ZNF480: variants seen among roughly 807,000 people sequenced by gnomAD.
The protein encoded by ZNF480 is zinc finger protein 480.
A neutral mutation model predicts 14.4 loss-of-function variants in ZNF480; 15 were observed. The ratio of observed to expected loss-of-function variants is 1.04; its 90% CI spans 0.70 to 1.60. The LOEUF is 1.60. ZNF480 is among the 40% of genes most tolerant of loss of function. The pLI is 0.00. For synonymous variants in ZNF480, 218 were observed against 215.5 expected, an observed-to-expected ratio of 1.01 and a Z score of -0.10; for missense variants, 593 against 629.7, an observed-to-expected ratio of 0.94 and a Z score of 0.62.
chr19:52,319,553 G>T (rs188575769), intron 4 of ZNF480, among the ~76,000 whole-genome samples: 9 of 152,192 alleles, frequency 5.9e-5, no homozygotes, highest in African/African-American at 2.2e-4. Context: ...ATGTATCTCT[G>T]TGTGAATGTC....
At position 52,309,936 on chromosome 19, in the gene ZNF480, G is replaced by C. The variant is rs550757179; in HGVS notation, c.73-4217G>C. Among the ~76,000 whole-genome samples the C allele has an allele frequency of 1.5e-4, 23 of 152,186 alleles. 2 individuals are homozygous for C. In the South Asian group the frequency reaches 4.8e-3, roughly 32 times the overall value. ...TTCTAGTTAGGGGCCATTTCCTAAG[G>C]GAGATGTCAGATGTTTCTTTCCTGT... On this transcript the variant is annotated intron_variant, in intron 2 of 4. Transcript: ENST00000595962.
chr19:52,319,255 A>G (rs987052713), intron 4 of ZNF480, among the ~76,000 whole-genome samples: 6 of 152,144 alleles, frequency 3.9e-5, no homozygotes, highest in African/African-American at 1.4e-4. Flanking sequence ...GGCTCCCTGT[A>G]GCATTTCTTG....
chr19:52,306,327 G>T (rs951905226), intron 2 of ZNF480, among the ~76,000 whole-genome samples: 1 of 152,148 alleles, frequency 6.6e-6, no homozygotes, highest in East Asian at 1.9e-4. Flanking sequence ...GAAGGGTATT[G>T]TTCCCTGCCT....
At chr19:52,299,784 C>T (rs1982597034) in intron 1 of ZNF480, among the ~76,000 whole-genome samples, 1 of 152,162 alleles carries the variant, frequency 6.6e-6, no homozygotes, top group African/African-American at 2.4e-5. Flanking sequence ...ACATCCATCT[C>T]CCAGTTTCAA....
chr19:52,306,816 A>G (rs774143298), intron 2 of ZNF480, among the ~76,000 whole-genome samples: 3 of 152,152 alleles, frequency 2.0e-5, no homozygotes, highest in South Asian at 2.1e-4. Context: ...TCCTGCCTGA[A>G]TAGAACCGAG....
chr19:52,323,897 G>C lies in ZNF480; in HGVS notation c.*1039G>C, dbSNP rs924601985. The C allele has an allele frequency of 6.6e-5, 10 of 152,150 alleles. No individual in the cohort carries two copies. The highest frequency in any genetic ancestry group is 2.4e-4 in the African/African-American group (10 of 41,498). 9.4% of individuals were successfully genotyped at this position (152,150 alleles called of 1,614,324 possible). ...CCCCTTGAGAACTGGAAAATGACAG[G>C]GATGACCACTCTCACCACTCCGATT... On this transcript the variant is annotated 3_prime_UTR_variant, in exon 5 of 5. Transcript: ENST00000595962.
intron 4 of ZNF480, among the ~76,000 whole-genome samples, chr19:52,316,887 C>A (rs902452253): frequency 6.6e-6 from 1 of 152,132 alleles, no homozygotes; most frequent in African/African-American, 2.4e-5. Context: ...TTTGTATATT[C>A]TTTTAGGACT....
chr19:52,319,776 T>C (rs1983718633), intron 4 of ZNF480, among the ~76,000 whole-genome samples: 1 of 151,866 alleles, frequency 6.6e-6, no homozygotes, highest in Admixed American at 6.6e-5. Flanking sequence ...TTTTCTTCTC[T>C]GTTTTTTGTT....
intron 1 of ZNF480, chr19:52,297,949 G>T (rs1982489834): frequency 6.6e-6 from 1 of 152,286 alleles, no homozygotes; most frequent in African/African-American, 2.4e-5. Context: ...AGGGAGAGCC[G>T]TAAGCAGATG....
At chr19:52,313,667 A>T (rs1218464037) in intron 2 of ZNF480, among the ~76,000 whole-genome samples, 1 of 152,198 alleles carries the variant, frequency 6.6e-6, no homozygotes, top group Admixed American at 6.5e-5. Flanking sequence ...GATTTTTAAA[A>T]TATAACTTCT....
intron 3 of ZNF480, 98 bp downstream of exon 3, chr19:52,314,377 C>T (rs1362635763): frequency 8.8e-7 from 1 of 1,141,720 alleles, no homozygotes. Context: ...GTTTGACTGA[C>T]ATTAAGCAGG....
intron 1 of ZNF480, among the ~76,000 whole-genome samples, 177 bp from the exon 2 acceptor site, chr19:52,300,217 T>TA (rs1217914800): frequency 3.3e-5 from 5 of 152,122 alleles, no homozygotes. Context: ...TGAAGACGAG[T>TA]AAAAAACTCA....
intron 2 of ZNF480, among the ~76,000 whole-genome samples, chr19:52,313,177 C>T (rs1423476444): frequency 6.7e-6 from 1 of 149,724 alleles, no homozygotes; most frequent in Non-Finnish European, 1.5e-5. Flanking sequence ...ACTCTTTTCC[C>T]CCAGGATGGA....
At position 52,323,523 on chromosome 19, in the gene ZNF480, T is replaced by A. The variant is rs1250576655; in HGVS notation, c.*665T>A. 6.6e-6 allele frequency: 1 copy of A among 152,146 alleles called. No homozygotes were observed. Among genetic ancestry groups the A allele is most frequent in the Non-Finnish European group, 1.5e-5 (1 of 68,026 alleles). 9.4% of individuals were successfully genotyped at this position (152,146 alleles called of 1,614,324 possible). A position where few individuals can be genotyped will look rare whatever the true frequency, so the allele number is the denominator to read the frequency against. Reference sequence around the variant, plus strand: ...AAAGAAAACTTCAGGCTGGTACTCCTGACGAATATAGGTGCCAAAATCCTC... The same window carrying A: ...AAAGAAAACTTCAGGCTGGTACTCCAGACGAATATAGGTGCCAAAATCCTC... On this transcript the variant is annotated 3_prime_UTR_variant, in exon 5 of 5. Coordinates refer to ENST00000595962, the MANE Select transcript of ZNF480 (RefSeq NM_144684.4).
At chr19:52,304,029 A>G (rs1386052706) in intron 2 of ZNF480, among the ~76,000 whole-genome samples, 1 of 152,222 alleles carries the variant, frequency 6.6e-6, no homozygotes, top group Non-Finnish European at 1.5e-5. Flanking sequence ...GGGGCAGCAC[A>G]AAGAATATCG....
chr19:52,311,134 A>G (rs1184228148), intron 2 of ZNF480, among the ~76,000 whole-genome samples: 1 of 151,888 alleles, frequency 6.6e-6, no homozygotes, highest in South Asian at 2.1e-4. Context: ...ATATATTGAT[A>G]AACCCCATTG....
chr19:52,308,073 T>C (rs1983045602), intron 2 of ZNF480, among the ~76,000 whole-genome samples: 1 of 152,090 alleles, frequency 6.6e-6, no homozygotes, highest in Non-Finnish European at 1.5e-5. Flanking sequence ...GAGGCTTCAC[T>C]GGGCATGGTT....
chr19:52,315,821 T>G lies in ZNF480; in HGVS notation c.200-13T>G. Reference sequence around the variant, plus strand: ...ATGCTACAGCACATTTTGATTTTTTTTTTTACAAACAGGAATCTCTCTTCC... The same window carrying G: ...ATGCTACAGCACATTTTGATTTTTTGTTTTACAAACAGGAATCTCTCTTCC... On this transcript the variant is annotated splice_polypyrimidine_tract_variant and intron_variant, in intron 3 of 4. Transcript: ENST00000595962. 1.2e-6 allele frequency: 2 copies of G among 1,602,380 alleles called. No homozygotes were observed. The highest frequency in any genetic ancestry group is 2.2e-5 in the East Asian group (1 of 44,844).
chr19:52,302,111 A>G, intron 2 of ZNF480: 1 of 243,216 alleles, frequency 4.1e-6, no homozygotes, highest in East Asian at 1.2e-4. Context: ...ATGGTATCCA[A>G]ATCGGCTGCT....
Sources: allele counts gnomAD v4.1 joint callset (sites outside exome capture counted in the v4.1 genomes callset), GRCh38; gene constraint gnomAD v4.1.1; transcripts MANE v1.5; gene names NCBI Gene and HGNC (gene_info 2026-07-23, HGNC 2026-07-21).